The following DNAI4 variants were observed in gnomAD, a reference collection of about 807,000 sequenced individuals.
The protein encoded by DNAI4 is dynein axonemal intermediate chain 4, also known as WD repeat domain 78.
In DNAI4, 85 loss-of-function variants were observed where a neutral mutation model predicts 105.8. That is an observed-to-expected ratio of 0.80 (90% CI 0.67 to 0.96). The LOEUF is 0.96. Ranked by LOEUF, DNAI4 falls within the 40% of genes least tolerant of loss-of-function variation. The pLI, the probability that DNAI4 is intolerant of heterozygous loss-of-function variation, is 0.00. For synonymous variants in DNAI4, 352 were observed against 331.5 expected (o/e 1.06, Z -0.67); for missense variants, 1,014 against 1,005.6 (o/e 1.01, Z -0.11).
rs1371567301 is a variant in DNAI4, at chr1:66,871,466, C to T, written c.844G>A (p.Gly282Ser). 1 of 1,608,982 alleles carries T rather than the reference C, an allele frequency of 6.2e-7. No homozygotes were observed. Among genetic ancestry groups the T allele is most frequent in the Non-Finnish European group, 8.5e-7 (1 of 1,177,844 alleles). ...NYEVLCRNRL[G>S]NDLYVERMMQ... is the part of the protein sequence containing the mutation. Reference sequence around the variant, plus strand: ...ATCCTTTCAACATATAGGTCATTGCCTAATCTGTTTCTACAAAGGACTTCA... The same window carrying T: ...ATCCTTTCAACATATAGGTCATTGCTTAATCTGTTTCTACAAAGGACTTCA... The change falls in exon 6 of 17, where the codon GGC (glycine) becomes AGC (serine). Residue 282 changes from glycine (G) to serine (S), a missense_variant. Physicochemically the swap from Gly to Ser is moderately conservative, Grantham distance 56 (BLOSUM62 0). Coordinates refer to ENST00000371026, the MANE Select transcript of DNAI4 (RefSeq NM_024763.5).
intron 7 of DNAI4, among the ~76,000 whole-genome samples, chr1:66,852,554 A>C (rs552127173): frequency 6.6e-6 from 1 of 152,184 alleles, no homozygotes; most frequent in South Asian, 2.1e-4. Context: ...AGGATAAAAG[A>C]GTTCTTCAAT....
At chr1:66,896,409 T>C (rs2100794581) in intron 2 of DNAI4, among the ~76,000 whole-genome samples, 1 of 152,302 alleles carries the variant, frequency 6.6e-6, no homozygotes, top group East Asian at 1.9e-4. Flanking sequence ...CCAAAATTAA[T>C]TTTGGAATCT....
At chr1:66,871,044 C>T (rs973872374) in intron 6 of DNAI4, 2 of 252,110 alleles carry the variant, frequency 7.9e-6, no homozygotes, top group Admixed American at 5.5e-5. Context: ...TAGTGTCTGA[C>T]ACATTTAAAA....
At chr1:66,814,956 G>T (rs530992182) in intron 16 of DNAI4, among the ~76,000 whole-genome samples, 1 of 152,100 alleles carries the variant, frequency 6.6e-6, no homozygotes, top group Non-Finnish European at 1.5e-5. Flanking sequence ...AATCAAAGAT[G>T]GGAGGTGAGT....
chr1:66,864,938 A>C (rs777380239), intron 6 of DNAI4, among the ~76,000 whole-genome samples: 1 of 152,192 alleles, frequency 6.6e-6, no homozygotes, highest in African/African-American at 2.4e-5. Flanking sequence ...GACAGTGTAC[A>C]GGGGGCTTCT....
intron 3 of DNAI4, among the ~76,000 whole-genome samples, chr1:66,892,980 A>AGAGAGAGAG (rs1557964529): frequency 5.2e-5 from 7 of 134,114 alleles, no homozygotes; most frequent in African/African-American, 2.2e-4. Flanking sequence ...AAAGAAAGAA[A>AGAGAGAGAG]GAAAGAAAGA....
At chr1:66,822,630 T>A in intron 15 of DNAI4, 113 bp from the exon 16 acceptor site, 2 of 955,524 alleles carry the variant, frequency 2.1e-6, no homozygotes, top group Non-Finnish European at 2.9e-6. Context: ...ACCATAAGCC[T>A]ATTTAAGTGT....
chr1:66,867,791 C>T (rs546004686), intron 6 of DNAI4, among the ~76,000 whole-genome samples: 8 of 152,142 alleles, frequency 5.3e-5, no homozygotes, highest in African/African-American at 1.9e-4. Flanking sequence ...ATATTAGTAT[C>T]TTATATCTGT....
chr1:66,880,422 T>C (rs186714377), intron 4 of DNAI4, among the ~76,000 whole-genome samples: 212 of 152,314 alleles, frequency 1.4e-3, no homozygotes, highest in Non-Finnish European at 1.8e-3. Flanking sequence ...CTGAGAGCGA[T>C]ACGGACAATA....
chr1:66,910,495 TCATACAGGTA>T (rs1449117304), intron 1 of DNAI4, among the ~76,000 whole-genome samples: 7 of 152,234 alleles, frequency 4.6e-5, no homozygotes, highest in Non-Finnish European at 1.0e-4. Context: ...ATGCTCTTTC[TCATACAGGTA>T]CATACTTAGC....
At chr1:66,906,555 AC>A (rs1321364236) in intron 1 of DNAI4, among the ~76,000 whole-genome samples, 2 of 151,982 alleles carry the variant, frequency 1.3e-5, no homozygotes, top group Non-Finnish European at 2.9e-5. Flanking sequence ...GTTGTTGTCC[AC>A]CCCTCTGCAG....
intron 16 of DNAI4, among the ~76,000 whole-genome samples, chr1:66,817,327 C>CT (rs1645537827): frequency 6.6e-6 from 1 of 152,182 alleles, no homozygotes; most frequent in Admixed American, 6.5e-5. Flanking sequence ...AATCCCAGCA[C>CT]TTGAGGACGC....
rs1465360168 is a variant in DNAI4, at chr1:66,836,250, GAGAGAGAA to G, written c.1582-481_1582-474del. ...AGAGAGAGAGAAAGAAAGAAAGAGA[GAGAGAGAA>G]AGAAAGAAAGAAAGAAAGAAAGAAA... On this transcript the variant is annotated intron_variant, in intron 10 of 16. Coordinates refer to ENST00000371026, the MANE Select transcript of DNAI4 (RefSeq NM_024763.5). Among the ~76,000 whole-genome samples the G allele has an allele frequency of 2.3e-3, 303 of 132,124 alleles. 3 individuals are homozygous for G. Among genetic ancestry groups the G allele is most frequent in the Non-Finnish European group, 2.9e-3 (183 of 62,114 alleles). 86.7% of individuals were successfully genotyped at this position (132,124 alleles called of 152,430 possible).
intron 8 of DNAI4, among the ~76,000 whole-genome samples, chr1:66,846,820 CA>C (rs1646286107): frequency 6.6e-6 from 1 of 152,188 alleles, no homozygotes; most frequent in Admixed American, 6.5e-5. Flanking sequence ...CTATAGCCTT[CA>C]GTTTCTTCAT....
At chr1:66,867,716 G>C (rs1646762582) in intron 6 of DNAI4, among the ~76,000 whole-genome samples, 1 of 152,016 alleles carries the variant, frequency 6.6e-6, no homozygotes, top group Non-Finnish European at 1.5e-5. Context: ...TGATATTCCT[G>C]AGGTAGCTAA....
At chr1:66,814,286 C>T (rs1645467600) in intron 16 of DNAI4, 106 bp from the exon 17 acceptor site, 8 of 765,078 alleles carry the variant, frequency 1.0e-5, no homozygotes, top group Non-Finnish European at 1.7e-5. Flanking sequence ...ATACACATAT[C>T]CAATAAGATT....
intron 16 of DNAI4, among the ~76,000 whole-genome samples, chr1:66,818,201 TAGACTTA>T (rs1158416800): frequency 7.2e-5 from 11 of 152,172 alleles, no homozygotes; most frequent in African/African-American, 1.7e-4. Flanking sequence ...GTAATTGATT[TAGACTTA>T]CAATCATGGA....
intron 1 of DNAI4, among the ~76,000 whole-genome samples, chr1:66,923,423 C>T (rs1347982327): frequency 1.3e-5 from 2 of 152,184 alleles, no homozygotes; most frequent in African/African-American, 4.8e-5. Context: ...CGATGCATGA[C>T]TGTATTTAGT....
chr1:66,919,995 C>T lies in DNAI4; in HGVS notation c.170+4667G>A, dbSNP rs188486361. 1.4e-3 allele frequency among the ~76,000 whole-genome samples: 211 copies of T among 152,300 alleles called. 1 individual carries two copies. The highest frequency in any genetic ancestry group is 1.1e-3 in the Non-Finnish European group (77 of 68,026). ...TGGGCAGAAGAAGGCAGGTCCCTGG[C>T]GAGGGCCCCACCCTCAAGCCTGGAA... On this transcript the variant is annotated intron_variant, in intron 1 of 16. Transcript: ENST00000371026.
Sources: allele counts gnomAD v4.1 joint callset (sites outside exome capture counted in the v4.1 genomes callset), GRCh38; gene constraint gnomAD v4.1.1; transcripts MANE v1.5; gene names NCBI Gene and HGNC (gene_info 2026-07-23, HGNC 2026-07-21).